Variants in SDK1 observed in about 807,000 individuals in gnomAD.
SDK1 encodes the protein sidekick cell adhesion molecule 1.
SDK1 carries 157 observed loss-of-function variants against 245.5 expected under a neutral mutation model. The observed-to-expected ratio is 0.64, with a 90% CI of 0.56 to 0.73. The LOEUF (loss-of-function observed/expected upper bound fraction) is 0.73, where lower values mean the gene tolerates loss of function less well. Among genes scored for constraint, SDK1 ranks in the 30% least tolerant of loss-of-function variants. The probability of loss-of-function intolerance (pLI) is 0.00; values close to 1 mark genes in which losing one functional copy is unlikely to be tolerated. For synonymous variants in SDK1, 1,647 were observed against 1,278.5 expected, an observed-to-expected ratio of 1.29 and a Z score of -6.15; for missense variants, 3,583 against 3,002.3, an observed-to-expected ratio of 1.19 and a Z score of -4.52.
intron 22 of SDK1, among the ~76,000 whole-genome samples, chr7:4,089,653 G>T (rs537058042): frequency 1.3e-5 from 2 of 152,346 alleles, no homozygotes; most frequent in African/African-American, 4.8e-5. Context: ...ACGTGTGGGT[G>T]ACTCCCTGGG....
intron 1 of SDK1, among the ~76,000 whole-genome samples, chr7:3,518,659 T>C (rs1226117451): frequency 6.6e-6 from 1 of 151,810 alleles, no homozygotes; most frequent in Non-Finnish European, 1.5e-5. Flanking sequence ...AGGATGGCCA[T>C]TATTAAAAAG....
At chr7:3,788,917 G>C (rs1489107945) in intron 4 of SDK1, among the ~76,000 whole-genome samples, 1 of 152,176 alleles carries the variant, frequency 6.6e-6, no homozygotes, top group Non-Finnish European at 1.5e-5. Context: ...ACCTGGGCAT[G>C]GGATGGGATT....
rs749712856 is a variant in SDK1 at position 4,210,129 on chromosome 7, C to T, written c.5506C>T (p.Arg1836Trp). 5 of 1,604,466 alleles carry T rather than the reference C, an allele frequency of 3.1e-6. No homozygotes were observed. The highest frequency in any genetic ancestry group is 2.3e-5 in the East Asian group (1 of 44,312). Reference protein sequence around the residue: ...AAANGILQGYRVVYEPLAPVQ... With the variant: ...AAANGILQGYWVVYEPLAPVQ... ...GGCCAACGGCATCCTGCAGGGCTAT[C>T]GGGTGGTGTACGAGCCCTTGGCCCC... is the stretch of plus-strand genomic sequence containing the variant. The change falls in exon 38 of 45, where the codon CGG becomes TGG. Residue 1836 changes from arginine to tryptophan, a missense_variant. Transcript: ENST00000404826.
chr7:3,983,005 A>G lies in SDK1; in HGVS notation c.1995-4181A>G, dbSNP rs541827227. On this transcript the variant is annotated intron_variant, in intron 13 of 44. Transcript: ENST00000404826. Reference sequence around the variant, plus strand: ...ATGTGGTGGAAACAGCAAGAGAACTAGAATTAGAGGTGGATCCTGAAGATG... The same window carrying G: ...ATGTGGTGGAAACAGCAAGAGAACTGGAATTAGAGGTGGATCCTGAAGATG... Among the ~76,000 whole-genome samples the G allele has an allele frequency of 3.3e-5, 5 of 152,276 alleles. 1 individual carries two copies. The highest frequency in any genetic ancestry group is 1.2e-4 in the African/African-American group (5 of 41,552).
At chr7:3,359,416 T>G (rs903031822) in intron 1 of SDK1, among the ~76,000 whole-genome samples, 1 of 152,222 alleles carries the variant, frequency 6.6e-6, no homozygotes, top group African/African-American at 2.4e-5. Flanking sequence ...TTGAGAAATA[T>G]GGCCAATATC....
At chr7:3,872,146 A>G (rs925062440) in intron 5 of SDK1, among the ~76,000 whole-genome samples, 3 of 152,186 alleles carry the variant, frequency 2.0e-5, no homozygotes, top group South Asian at 4.1e-4. Context: ...CCAATTGGTA[A>G]TAATATGTTA....
intron 5 of SDK1, among the ~76,000 whole-genome samples, chr7:3,848,500 C>T (rs937625667): frequency 4.6e-5 from 7 of 152,034 alleles, no homozygotes; most frequent in African/African-American, 1.4e-4. Context: ...CTTGAGCAGG[C>T]AGCTTTCAGA....
rs563058190 is a variant in SDK1 at position 3,809,086 on chromosome 7, C to A, written c.714-12364C>A. On this transcript the variant is annotated intron_variant, in intron 4 of 44. Transcript: ENST00000404826. ...AGGGTTGAATTGGCTCGTAGATCTG[C>A]AGGCTGTACAGGAAGCATGGTGGCA... Among the ~76,000 whole-genome samples, 4 of 152,126 alleles carry A rather than the reference C, an allele frequency of 2.6e-5. No individual in the cohort carries two copies. The South Asian group carries it at 8.3e-4, about 32-fold the overall frequency.
chr7:3,821,353 C>G (rs1215676066), intron 4 of SDK1, 97 bp from the exon 5 acceptor site: 2 of 1,361,474 alleles, frequency 1.5e-6, no homozygotes, highest in African/African-American at 1.5e-5. Flanking sequence ...CTTTTAAACT[C>G]TAGGCATTCC....
At chr7:4,013,890 T>C (rs1786176730) in intron 16 of SDK1, among the ~76,000 whole-genome samples, 1 of 152,130 alleles carries the variant, frequency 6.6e-6, no homozygotes, top group South Asian at 2.1e-4. Context: ...CCCCTCGGGG[T>C]GGGGGCCGCA....
In SDK1 at chr7:3,568,162, T is replaced by G. The variant is rs76200863; in HGVS notation, c.299-50918T>G. 3.9e-3 allele frequency among the ~76,000 whole-genome samples: 601 copies of G among 152,370 alleles called. 7 individuals carry two copies. Among genetic ancestry groups the G allele is most frequent in the African/African-American group, 0.013 (549 of 41,588 alleles). ...CAATGATCATTAAGAGATTTGTTGTTTGAACCAGTGTCATTATTGATAATG... is the reference window on the plus strand; with the variant it reads ...CAATGATCATTAAGAGATTTGTTGTGTGAACCAGTGTCATTATTGATAATG... On this transcript the variant is annotated intron_variant, in intron 1 of 44. Coordinates refer to ENST00000404826, the MANE Select transcript of SDK1 (RefSeq NM_152744.4).
chr7:3,597,519 G>T (rs1294555468), intron 1 of SDK1, among the ~76,000 whole-genome samples: 1 of 152,274 alleles, frequency 6.6e-6, no homozygotes, highest in South Asian at 2.1e-4. Context: ...ACTTCAGGTT[G>T]CTTTTTCGAA....
At chr7:4,039,209 G>A (rs975350934) in intron 17 of SDK1, among the ~76,000 whole-genome samples, 7 of 151,752 alleles carry the variant, frequency 4.6e-5, no homozygotes, top group Non-Finnish European at 7.4e-5. Context: ...GTTAAATGAC[G>A]AGTTAATGGG....
At chr7:4,237,410 C>T (rs1255412307) in intron 41 of SDK1, among the ~76,000 whole-genome samples, 1 of 151,982 alleles carries the variant, frequency 6.6e-6, no homozygotes, top group Non-Finnish European at 1.5e-5. Flanking sequence ...AGCCTGATCC[C>T]ACAGAAAAGG....
chr7:4,052,979 C>T (rs947692010), intron 19 of SDK1, among the ~76,000 whole-genome samples: 10 of 148,046 alleles, frequency 6.8e-5, no homozygotes, highest in Non-Finnish European at 1.3e-4. Context: ...CCCAGCTACT[C>T]GGGAGGCTGA....
At chr7:3,520,525 G>C (rs1004863062) in intron 1 of SDK1, among the ~76,000 whole-genome samples, 4 of 152,134 alleles carry the variant, frequency 2.6e-5, no homozygotes, top group African/African-American at 9.7e-5. Context: ...AGGATGTTTG[G>C]AAGTTTTAAT....
chr7:4,067,059 G>C (rs571631809), intron 19 of SDK1, among the ~76,000 whole-genome samples: 1 of 152,144 alleles, frequency 6.6e-6, no homozygotes, highest in South Asian at 2.1e-4. Context: ...GGACATCCTC[G>C]TGTTTTCATG....
chr7:3,831,003 A>G (rs1779899884), intron 5 of SDK1, among the ~76,000 whole-genome samples: 2 of 152,336 alleles, frequency 1.3e-5, no homozygotes, highest in East Asian at 1.9e-4. Context: ...CTCTAGATGT[A>G]TAGTCATTGA....
At chr7:3,457,567 C>G (rs184620979) in intron 1 of SDK1, among the ~76,000 whole-genome samples, 7 of 152,306 alleles carry the variant, frequency 4.6e-5, no homozygotes, top group Admixed American at 2.6e-4. Flanking sequence ...TTCCAGGTTT[C>G]TGTTTTGCCT....
Sources: gnomAD v4.1 joint callset for allele counts (sites outside exome capture counted in the v4.1 genomes callset) on GRCh38, gnomAD v4.1.1 for gene constraint, MANE v1.5 for transcripts, NCBI Gene and HGNC (gene_info 2026-07-23, HGNC 2026-07-21) for gene names.